The following WDR1 variants were observed in gnomAD, a reference collection of about 807,000 sequenced individuals.
WDR1 encodes the protein WD repeat-containing protein 1.
In WDR1, 21 loss-of-function variants were observed where a neutral mutation model predicts 71.9. That is an observed-to-expected ratio of 0.29 (90% CI 0.21 to 0.42). The LOEUF is 0.42. Ranked by LOEUF, WDR1 falls within the 10% of genes least tolerant of loss-of-function variation. The probability of loss-of-function intolerance (pLI) is 1.00; values close to 1 mark genes in which losing one functional copy is unlikely to be tolerated. For synonymous variants in WDR1, 424 were observed against 347.4 expected (o/e 1.22, Z -2.45); for missense variants, 696 against 824.5 (o/e 0.84, Z 1.91).
At chr4:10,103,442 A>G (rs992552469) in intron 3 of WDR1, among the ~76,000 whole-genome samples, 2 of 152,148 alleles carry the variant, frequency 1.3e-5, no homozygotes, top group African/African-American at 4.8e-5. Context: ...TACAAACTAG[A>G]AAGTGTCCTT....
chr4:10,099,245 A>G (rs1019530385), intron 3 of WDR1, 106 bp from the exon 4 acceptor site: 90 of 900,526 alleles, frequency 1.0e-4, no homozygotes, highest in Non-Finnish European at 1.5e-4. Flanking sequence ...CCATAGGCCC[A>G]CTCAGAACCA....
intron 2 of WDR1, among the ~76,000 whole-genome samples, chr4:10,114,697 C>T (rs1713602802): frequency 6.6e-6 from 1 of 152,258 alleles, no homozygotes; most frequent in African/African-American, 2.4e-5. Context: ...CCTTCGGAGA[C>T]TTCCAGATCA....
chr4:10,087,569 A>G, intron 8 of WDR1, 138 bp downstream of exon 8: 1 of 831,878 alleles, frequency 1.2e-6, no homozygotes, highest in Non-Finnish European at 1.8e-6. Flanking sequence ...CTTCCACCAA[A>G]ACCCCAAGGG....
At chr4:10,084,605 G>T in intron 8 of WDR1, 75 bp from the exon 9 acceptor site, 1 of 1,437,200 alleles carries the variant, frequency 7.0e-7, no homozygotes, top group Admixed American at 1.8e-5. Flanking sequence ...TTCCACCAAC[G>T]AAGCTTCTGG....
At position 10,097,873 on chromosome 4, in the gene WDR1, G is replaced by A; in HGVS notation, c.396C>T (p.Leu132=). Residue 132 remains leucine (L), a synonymous_variant, in exon 5 of 15, where the codon CTC becomes CTT. Transcript: ENST00000499869. ...CGCCCACAGAAGAGCCACTATCCCA[G>A]AGGAAGACTGCTCCAAACCTTGACC... ...EGREKFGAVF[L]WDSGSSVGEI... is the part of the protein sequence containing the mutation. The A allele has an allele frequency of 6.3e-7, 1 of 1,598,080 alleles. No homozygotes were observed. Among genetic ancestry groups the A allele is most frequent in the Non-Finnish European group, 8.5e-7 (1 of 1,171,594 alleles).
chr4:10,080,028 G>A (rs1181055693), intron 11 of WDR1, among the ~76,000 whole-genome samples: 1 of 152,084 alleles, frequency 6.6e-6, no homozygotes, highest in Non-Finnish European at 1.5e-5. Context: ...CCCAGAGCAG[G>A]GGTTCCAGAT....
At chr4:10,082,900 G>A in intron 10 of WDR1, 122 bp downstream of exon 10, 6 of 1,260,232 alleles carry the variant, frequency 4.8e-6, no homozygotes, top group Non-Finnish European at 6.5e-6. Flanking sequence ...TGCTGGGGAC[G>A]GGGTGGGAGA....
At chr4:10,106,801 C>A (rs74729562) in intron 2 of WDR1, among the ~76,000 whole-genome samples, 1 of 152,158 alleles carries the variant, frequency 6.6e-6, no homozygotes, top group Non-Finnish European at 1.5e-5. Flanking sequence ...TAATGACTTA[C>A]ATCTGAGTCA....
At chr4:10,088,617 C>G in intron 6 of WDR1, 47 bp downstream of exon 6, 1 of 1,493,062 alleles carries the variant, frequency 6.7e-7, no homozygotes, top group Non-Finnish European at 9.2e-7. Context: ...GTCACGGGAG[C>G]AGGCAGACAA....
chr4:10,099,572 G>T (rs960437932), intron 3 of WDR1, among the ~76,000 whole-genome samples: 2 of 152,252 alleles, frequency 1.3e-5, no homozygotes, highest in African/African-American at 4.8e-5. Flanking sequence ...GAATGGGACG[G>T]CACTGGCTAC....
intron 2 of WDR1, among the ~76,000 whole-genome samples, chr4:10,115,513 G>T (rs1021397804): frequency 2.6e-5 from 4 of 152,208 alleles, no homozygotes; most frequent in Non-Finnish European, 4.4e-5. Context: ...GAAGACCAGG[G>T]TATTAACAGC....
In WDR1 at chr4:10,115,248, T is replaced by C. The variant is rs1185431681; in HGVS notation, c.138+865A>G. Among the ~76,000 whole-genome samples the C allele has an allele frequency of 3.3e-5, 5 of 152,036 alleles. No individual in the cohort carries two copies. The East Asian group carries it at 7.7e-4, about 23-fold the overall frequency. Reference sequence around the variant, plus strand: ...CAGGCTGAGGAAGGGAAAAGCAAAATTTAAGCGTGTAACCCAGGAAGGGAG... The same window carrying C: ...CAGGCTGAGGAAGGGAAAAGCAAAACTTAAGCGTGTAACCCAGGAAGGGAG... On this transcript the variant is annotated intron_variant, in intron 2 of 14. Coordinates refer to ENST00000499869, the MANE Select transcript of WDR1 (RefSeq NM_017491.5).
chr4:10,077,038 T>G, intron 14 of WDR1: 1 of 446,278 alleles, frequency 2.2e-6, no homozygotes, highest in Non-Finnish European at 4.0e-6. Flanking sequence ...AAGGGGTGAG[T>G]GGGGGAAGTG....
intron 9 of WDR1, among the ~76,000 whole-genome samples, chr4:10,083,441 G>A (rs78817998): frequency 1.3e-5 from 2 of 152,304 alleles, no homozygotes; most frequent in East Asian, 3.9e-4. Flanking sequence ...AGCAAGCTGG[G>A]GAGGCTCCGG....
intron 2 of WDR1, among the ~76,000 whole-genome samples, chr4:10,113,050 A>C (rs1323620420): frequency 6.6e-6 from 1 of 152,252 alleles, no homozygotes; most frequent in Non-Finnish European, 1.5e-5. Flanking sequence ...AGGTGACTAC[A>C]TCTAAGTATA....
intron 2 of WDR1, among the ~76,000 whole-genome samples, chr4:10,112,613 GC>G (rs1490006416): frequency 6.6e-6 from 1 of 152,206 alleles, no homozygotes; most frequent in African/African-American, 2.4e-5. Flanking sequence ...GACAGAGGGG[GC>G]TCCAAGTGCA....
At chr4:10,080,287 AT>A (rs1764960876) in intron 11 of WDR1, among the ~76,000 whole-genome samples, 1 of 152,194 alleles carries the variant, frequency 6.6e-6, no homozygotes, top group Non-Finnish European at 1.5e-5. Flanking sequence ...CCTAGGCCTC[AT>A]CCCCTCACCC....
At chr4:10,093,850 G>C (rs1404091450) in intron 5 of WDR1, among the ~76,000 whole-genome samples, 2 of 152,260 alleles carry the variant, frequency 1.3e-5, no homozygotes, top group African/African-American at 4.8e-5. Context: ...TGAAACATCT[G>C]CTCTCTGCCC....
chr4:10,079,535 C>T (rs1764935795), intron 11 of WDR1, among the ~76,000 whole-genome samples: 1 of 152,256 alleles, frequency 6.6e-6, no homozygotes, highest in African/African-American at 2.4e-5. Flanking sequence ...GGCACCCGCA[C>T]TGGGCCTTTG....
Sources: allele counts gnomAD v4.1 joint callset (sites outside exome capture counted in the v4.1 genomes callset), GRCh38; gene constraint gnomAD v4.1.1; transcripts MANE v1.5; gene names NCBI Gene and HGNC (gene_info 2026-07-23, HGNC 2026-07-21).